The following MAP3K4 variants were observed in gnomAD, a reference collection of about 807,000 sequenced individuals.
MAP3K4 encodes the protein MAP three kinase 1.
MAP3K4 carries 67 observed loss-of-function variants against 185.6 expected under a neutral mutation model. The ratio of observed to expected loss-of-function variants is 0.36; its 90% confidence interval spans 0.30 to 0.44. The LOEUF is 0.44. Among genes scored for constraint, MAP3K4 ranks in the 20% least tolerant of loss-of-function variants. MAP3K4 has a pLI of 1.00. For missense variants in MAP3K4, 1,551 were observed against 1,995.1 expected, an observed-to-expected ratio of 0.78 and a Z score of 4.24; for synonymous variants, 702 against 710.4, an observed-to-expected ratio of 0.99 and a Z score of 0.19.
chr6:160,993,399 A>G (rs1259720910), intron 1 of MAP3K4, among the ~76,000 whole-genome samples: 1 of 152,242 alleles, frequency 6.6e-6, no homozygotes. Context: ...TAACGGTTAA[A>G]ATAGGCCATT....
Position 161,008,788 on chromosome 6 carries a change from A to T in MAP3K4, c.152+16705A>T, listed in dbSNP as rs1273551620. Among the ~76,000 whole-genome samples the T allele has an allele frequency of 6.6e-6, 1 of 152,048 alleles. No homozygotes were observed. The highest frequency in any genetic ancestry group is 1.5e-5 in the Non-Finnish European group (1 of 68,024). On this transcript the variant is annotated intron_variant, in intron 1 of 26. Coordinates refer to ENST00000392142, the MANE Select transcript of MAP3K4 (RefSeq NM_005922.4). This position sits in a 1 kb window ranked among gnomAD's most constrained non-coding sequence, Gnocchi z 4.1. ...CCTCATTATCCTGACATTTACTGAT[A>T]TTTTACATCTACTACTTTCACTCAG...
At chr6:161,016,965 GT>G in intron 1 of MAP3K4, among the ~76,000 whole-genome samples, 2 of 152,096 alleles carry the variant, frequency 1.3e-5, no homozygotes, top group East Asian at 3.9e-4. Context: ...AGCTGTGTCT[GT>G]TTTTCAGCAT....
chr6:161,083,301 A>G (rs1160532483), intron 6 of MAP3K4, among the ~76,000 whole-genome samples: 18 of 151,966 alleles, frequency 1.2e-4, no homozygotes, highest in Admixed American at 1.2e-3. Context: ...TACATTTCAC[A>G]TTTTTGTTTT....
intron 2 of MAP3K4, among the ~76,000 whole-genome samples, chr6:161,042,669 A>C (rs529584876): frequency 4.6e-5 from 7 of 152,096 alleles, no homozygotes; most frequent in South Asian, 4.1e-4. Context: ...TTTTTCCTTA[A>C]ATGTTTGTTT....
At chr6:160,995,290 T>C (rs1477675160) in intron 1 of MAP3K4, among the ~76,000 whole-genome samples, 2 of 152,276 alleles carry the variant, frequency 1.3e-5, no homozygotes, top group African/African-American at 4.8e-5. Flanking sequence ...TAATTTATGC[T>C]ACCAGGTTAA....
rs1406698954 is a variant in MAP3K4, at chr6:161,061,463, TCACTTAG to T, written c.1708-9142_1708-9136del. Among the ~76,000 whole-genome samples, 1 of 152,256 alleles carries T rather than the reference TCACTTAG, an allele frequency of 6.6e-6. No individual in the cohort carries two copies. Among genetic ancestry groups the T allele is most frequent in the Non-Finnish European group, 1.5e-5 (1 of 68,050 alleles). ...AATAATAGCTTTATTGAGATATAAT[TCACTTAG>T]CATAAAATTCACCATTTAAAGTGTT... On this transcript the variant is annotated intron_variant, in intron 3 of 26. Coordinates refer to ENST00000392142, the MANE Select transcript of MAP3K4 (RefSeq NM_005922.4). This position sits in a 1 kb window ranked among gnomAD's most constrained non-coding sequence, Gnocchi z 4.2.
chr6:161,078,396 G>C (rs1785278527), intron 5 of MAP3K4, among the ~76,000 whole-genome samples: 1 of 152,210 alleles, frequency 6.6e-6, no homozygotes, highest in Non-Finnish European at 1.5e-5. Flanking sequence ...CATGCTGATA[G>C]CAGTGCAGTT....
Position 161,082,641 on chromosome 6 carries a change from G to A in MAP3K4, c.2255+1603G>A, listed in dbSNP as rs1271817915. The stretch of plus-strand genomic sequence containing the variant: ...AACACTGTTTCTCCCAGGGTCAGTC[G>A]GTGTTGGAATCAGCGCTGACTCCTT... On this transcript the variant is annotated intron_variant, in intron 6 of 26. Coordinates refer to ENST00000392142, the MANE Select transcript of MAP3K4 (RefSeq NM_005922.4). This position sits in a 1 kb window ranked among gnomAD's most constrained non-coding sequence, Gnocchi z 4.2. 6.6e-6 allele frequency among the ~76,000 whole-genome samples: 1 copy of A among 152,066 alleles called. No homozygotes were observed. Among genetic ancestry groups the A allele is most frequent in the Non-Finnish European group, 1.5e-5 (1 of 68,026 alleles).
At chr6:161,062,614 T>G (rs1784532956) in intron 3 of MAP3K4, among the ~76,000 whole-genome samples, 1 of 152,238 alleles carries the variant, frequency 6.6e-6, no homozygotes, top group South Asian at 2.1e-4. Flanking sequence ...CTTGGAAGTT[T>G]GTTTGGCTGT....
rs181503440 is a variant in MAP3K4 at position 161,116,402 on chromosome 6, C to T, written c.4807-448C>T. The stretch of plus-strand genomic sequence containing the variant: ...AGAGGACAAGGGGATGAGAACAGAG[C>T]CCTGGAGAAAAGAGCCTTGCAAGGG... On this transcript the variant is annotated intron_variant, in intron 26 of 26. Coordinates refer to ENST00000392142, the MANE Select transcript of MAP3K4 (RefSeq NM_005922.4). The surrounding 1 kb of genome is among the most constrained non-coding windows in gnomAD (Gnocchi z 6.2). 3.9e-5 allele frequency among the ~76,000 whole-genome samples: 6 copies of T among 151,928 alleles called. No homozygotes were observed. The highest frequency in any genetic ancestry group is 1.4e-4 in the African/African-American group (6 of 41,434).
At position 161,048,814 on chromosome 6, in the gene MAP3K4, A is replaced by T. The variant is rs772683588; in HGVS notation, c.542A>T (p.Asp181Val). ...GGSLPKKSIP[D>V]VDLNKPYLSL... ...TCTTTGCCAAAAAAATCAATTCCAGATGTGGATCTCAATAAGCCTTACCTC... is the reference window on the plus strand; with the variant it reads ...TCTTTGCCAAAAAAATCAATTCCAGTTGTGGATCTCAATAAGCCTTACCTC... The change falls in exon 3 of 27, where the codon GAT (aspartate) becomes GTT (valine). Residue 181 changes from aspartate to valine, a missense_variant. Transcript: ENST00000392142. This position sits in a 1 kb window ranked among gnomAD's most constrained non-coding sequence, Gnocchi z 4.7. 6.2e-7 allele frequency: 1 copy of T among 1,614,160 alleles called. No individual in the cohort carries two copies. The highest frequency in any genetic ancestry group is 1.7e-5 in the Admixed American group (1 of 60,020).
At chr6:161,060,627 T>C in intron 3 of MAP3K4, among the ~76,000 whole-genome samples, 1 of 148,946 alleles carries the variant, frequency 6.7e-6, no homozygotes, top group East Asian at 1.9e-4. Flanking sequence ...TCTTTTTTTT[T>C]TTTTTTTTTT....
chr6:161,021,555 C>T (rs1190623023), intron 1 of MAP3K4, among the ~76,000 whole-genome samples: 2 of 152,228 alleles, frequency 1.3e-5, no homozygotes, highest in Non-Finnish European at 2.9e-5. Context: ...TTCTTTGTTA[C>T]CATCTTCCTA....
intron 3 of MAP3K4, among the ~76,000 whole-genome samples, chr6:161,058,090 G>C (rs949459448): frequency 2.6e-4 from 40 of 152,246 alleles, no homozygotes; most frequent in African/African-American, 9.2e-4. Flanking sequence ...TAAGTAACTT[G>C]ATCAGGTCAC....
intron 1 of MAP3K4, among the ~76,000 whole-genome samples, chr6:161,013,013 C>T (rs190557323): frequency 3.9e-4 from 59 of 152,302 alleles, no homozygotes; most frequent in African/African-American, 1.3e-3. Context: ...ACAAGCTTTT[C>T]TGGCTGCTCT....
rs1166160891 is a variant in MAP3K4, at chr6:161,034,967, C to G, written c.343+518C>G. Among the ~76,000 whole-genome samples the G allele has an allele frequency of 1.3e-5, 2 of 152,130 alleles. No homozygotes were observed. Among genetic ancestry groups the G allele is most frequent in the African/African-American group, 2.4e-5 (1 of 41,430 alleles). On this transcript the variant is annotated intron_variant, in intron 2 of 26. Coordinates refer to ENST00000392142, the MANE Select transcript of MAP3K4 (RefSeq NM_005922.4). The surrounding 1 kb of genome is among the most constrained non-coding windows in gnomAD (Gnocchi z 4.4). Reference sequence around the variant, plus strand: ...CCACACCTAACAACCATGACAGAACCTGCTTTCTACTTTTCTCTTTATTTA... The same window carrying G: ...CCACACCTAACAACCATGACAGAACGTGCTTTCTACTTTTCTCTTTATTTA...
rs948913587 is a variant in MAP3K4 at position 161,077,286 on chromosome 6, A to C, written c.2098-3595A>C. On this transcript the variant is annotated intron_variant, in intron 5 of 26. Transcript: ENST00000392142. The surrounding 1 kb of genome is among the most constrained non-coding windows in gnomAD (Gnocchi z 4.3). ...ATTTCTTATTGAAAAAAATATCTACATGTACCCCGGAACTTAAAATAAAAA... is the reference window on the plus strand; with the variant it reads ...ATTTCTTATTGAAAAAAATATCTACCTGTACCCCGGAACTTAAAATAAAAA... 6.6e-6 allele frequency among the ~76,000 whole-genome samples: 1 copy of C among 152,182 alleles called. No homozygotes were observed. Among genetic ancestry groups the C allele is most frequent in the African/African-American group, 2.4e-5 (1 of 41,446 alleles).
At chr6:161,060,282 AT>A in intron 3 of MAP3K4, among the ~76,000 whole-genome samples, 1 of 152,362 alleles carries the variant, frequency 6.6e-6, no homozygotes, top group East Asian at 1.9e-4. Flanking sequence ...AAATGGCAAG[AT>A]TAATGTGCTT....
At position 161,049,811 on chromosome 6, in the gene MAP3K4, A is replaced by G. The variant is rs770545383; in HGVS notation, c.1539A>G (p.Thr513=). The part of the protein sequence containing the change: ...SLGWGAPDWS[T]EAGFSRHCLT... ...GCTGGGGAGCACCAGACTGGAGCAC[A>G]GAAGCAGGCTTTAGTAGACATTGTC... The change falls in exon 3 of 27, where the codon ACA becomes ACG. Residue 513 remains threonine, a synonymous_variant. Transcript: ENST00000392142. The surrounding 1 kb of genome is among the most constrained non-coding windows in gnomAD (Gnocchi z 8.4). The G allele has an allele frequency of 4.3e-6, 7 of 1,614,074 alleles. No individual in the cohort carries two copies. The African/African-American group carries it at 6.7e-5, about 15-fold the overall frequency.
Sources: gnomAD v4.1 joint callset for allele counts (sites outside exome capture counted in the v4.1 genomes callset) on GRCh38, gnomAD v4.1.1 for gene constraint, Gnocchi (gnomAD v3.1) non-coding constraint, MANE v1.5 for transcripts, NCBI Gene and HGNC (gene_info 2026-07-23, HGNC 2026-07-21) for gene names.